SPOCK1: variants seen among roughly 807,000 people sequenced by gnomAD.
The protein encoded by SPOCK1 is testican-1.
Under a neutral mutation model 55.3 loss-of-function variants are expected in SPOCK1, and 23 were observed. The ratio of observed to expected loss-of-function variants is 0.42; its 90% CI spans 0.30 to 0.59. SPOCK1 has a LOEUF of 0.59. SPOCK1 is among the 20% of genes least tolerant of loss of function. SPOCK1 has a pLI of 0.22. For missense variants in SPOCK1, 499 were observed against 552.5 expected, an observed-to-expected ratio of 0.90 and a Z score of 0.97; for synonymous variants, 226 against 221.0, an observed-to-expected ratio of 1.02 and a Z score of -0.20.
intron 2 of SPOCK1, among the ~76,000 whole-genome samples, chr5:137,485,943 C>G (rs1407527897): frequency 6.6e-6 from 1 of 152,156 alleles, no homozygotes; most frequent in African/African-American, 2.4e-5. Flanking sequence ...CTTTGAGAAA[C>G]TGCATCAAGT....
At chr5:137,064,303 C>T (rs1752454100) in intron 6 of SPOCK1, among the ~76,000 whole-genome samples, 3 of 152,112 alleles carry the variant, frequency 2.0e-5, no homozygotes, top group Admixed American at 1.3e-4. Context: ...TATGTTTCAC[C>T]TCAGAAATGA....
intron 5 of SPOCK1, among the ~76,000 whole-genome samples, chr5:137,088,931 C>T (rs1240373826): frequency 6.6e-6 from 1 of 152,154 alleles, no homozygotes; most frequent in Non-Finnish European, 1.5e-5. Flanking sequence ...GGTTTAGAAT[C>T]TAATTTGGTG....
intron 2 of SPOCK1, among the ~76,000 whole-genome samples, chr5:137,495,212 A>G (rs1754273533): frequency 6.6e-6 from 1 of 152,202 alleles, no homozygotes; most frequent in Non-Finnish European, 1.5e-5. Context: ...TTCTAAAAAG[A>G]AGGGGATAGG....
chr5:137,089,929 G>A (rs1753024774), intron 5 of SPOCK1, among the ~76,000 whole-genome samples: 2 of 152,186 alleles, frequency 1.3e-5, no homozygotes, highest in Non-Finnish European at 2.9e-5. Context: ...ACCAGGAGAT[G>A]AGCCAGGAAG....
At chr5:136,994,635 T>TA (rs1387940857) in intron 6 of SPOCK1, among the ~76,000 whole-genome samples, 18 of 151,656 alleles carry the variant, frequency 1.2e-4, no homozygotes, top group Admixed American at 9.2e-4. Flanking sequence ...CAAATCCACC[T>TA]ACACACAACT....
At chr5:137,350,940 C>T (rs1164314042) in intron 2 of SPOCK1, among the ~76,000 whole-genome samples, 1 of 152,134 alleles carries the variant, frequency 6.6e-6, no homozygotes, top group East Asian at 1.9e-4. Flanking sequence ...AACATACATG[C>T]TTCCCATGTG....
chr5:137,022,480 C>A (rs1751595667), intron 6 of SPOCK1, among the ~76,000 whole-genome samples: 1 of 152,088 alleles, frequency 6.6e-6, no homozygotes, highest in East Asian at 1.9e-4. Context: ...AAGATCGGGG[C>A]AGTTTGTTAC....
intron 3 of SPOCK1, among the ~76,000 whole-genome samples, chr5:137,173,381 A>T (rs997953515): frequency 2.0e-5 from 3 of 152,158 alleles, no homozygotes; most frequent in African/African-American, 7.2e-5. Flanking sequence ...TAATAAATCA[A>T]CTTTTTCTTA....
chr5:137,382,044 C>T (rs779300999), intron 2 of SPOCK1, among the ~76,000 whole-genome samples: 7 of 152,222 alleles, frequency 4.6e-5, no homozygotes, highest in Non-Finnish European at 1.0e-4. Flanking sequence ...AACCAGGTCA[C>T]ATCTTGAATG....
chr5:137,083,505 T>G (rs766731613), intron 5 of SPOCK1, among the ~76,000 whole-genome samples: 1 of 152,200 alleles, frequency 6.6e-6, no homozygotes, highest in Non-Finnish European at 1.5e-5. Flanking sequence ...CAACTGATAT[T>G]TGTTGACCAC....
intron 2 of SPOCK1, among the ~76,000 whole-genome samples, chr5:137,305,439 T>C (rs890113453): frequency 2.6e-5 from 4 of 152,214 alleles, no homozygotes; most frequent in Non-Finnish European, 4.4e-5. Flanking sequence ...GGTGGTCACA[T>C]TCATAGATGC....
chr5:137,425,197 G>GATGA (rs1752583424), intron 2 of SPOCK1, among the ~76,000 whole-genome samples: 1 of 151,668 alleles, frequency 6.6e-6, no homozygotes, highest in Non-Finnish European at 1.5e-5. Flanking sequence ...TAGTACAATG[G>GATGA]CCTTACCTAG....
At chr5:137,013,757 T>C (rs919686762) in intron 6 of SPOCK1, among the ~76,000 whole-genome samples, 18 of 152,222 alleles carry the variant, frequency 1.2e-4, no homozygotes, top group African/African-American at 3.9e-4. Context: ...CCTGGATCTG[T>C]AGACATAAAT....
chr5:137,377,427 C>T (rs1302904859), intron 2 of SPOCK1, among the ~76,000 whole-genome samples: 1 of 152,166 alleles, frequency 6.6e-6, no homozygotes, highest in Non-Finnish European at 1.5e-5. Context: ...CTTATAAATT[C>T]CTCCTCTCAA....
At chr5:137,385,625 C>G (rs1751582341) in intron 2 of SPOCK1, among the ~76,000 whole-genome samples, 1 of 152,210 alleles carries the variant, frequency 6.6e-6, no homozygotes, top group African/African-American at 2.4e-5. Flanking sequence ...GGTGTCAGAT[C>G]ACCATCCACA....
chr5:137,409,781 A>T (rs1009031827), intron 2 of SPOCK1, among the ~76,000 whole-genome samples: 1 of 152,242 alleles, frequency 6.6e-6, no homozygotes, highest in African/African-American at 2.4e-5. Context: ...AAGGATATAC[A>T]TACCAGAACT....
At chr5:137,080,324 A>G (rs1752859438) in intron 5 of SPOCK1, among the ~76,000 whole-genome samples, 1 of 152,182 alleles carries the variant, frequency 6.6e-6, no homozygotes, top group Admixed American at 6.5e-5. Flanking sequence ...GAGGTTAATT[A>G]TGTGGTCTCA....
At chr5:137,052,193 T>C (rs562779223) in intron 6 of SPOCK1, among the ~76,000 whole-genome samples, 1 of 152,332 alleles carries the variant, frequency 6.6e-6, no homozygotes, top group South Asian at 2.1e-4. Context: ...TCCCTTATGA[T>C]TGAGGTTGCC....
At chr5:137,404,575 A>ATT (rs67609274) in intron 2 of SPOCK1, among the ~76,000 whole-genome samples, 4,271 of 137,762 alleles carry the variant, frequency 0.031, 95 homozygotes, top group African/African-American at 0.034. Flanking sequence ...CACCCAGCTA[A>ATT]TTTTTTTTTT....
Sources: gnomAD v4.1 joint callset for allele counts (sites outside exome capture counted in the v4.1 genomes callset) on GRCh38, gnomAD v4.1.1 for gene constraint, MANE v1.5 for transcripts, NCBI Gene and HGNC (gene_info 2026-07-23, HGNC 2026-07-21) for gene names.